KLHL13: variants seen among roughly 807,000 people sequenced by gnomAD.
The protein encoded by KLHL13 is kelch like family member 13.
Under a neutral mutation model 37.1 loss-of-function variants are expected in KLHL13, and 10 were observed. The ratio of observed to expected loss-of-function variants is 0.27; its 90% CI spans 0.17 to 0.46. KLHL13 has a LOEUF of 0.46. Among genes scored for constraint, KLHL13 ranks in the 20% least tolerant of loss-of-function variants. The probability of loss-of-function intolerance (pLI) is 1.00; values close to 1 mark genes in which losing one functional copy is unlikely to be tolerated. For synonymous variants in KLHL13, 163 were observed against 181.2 expected (o/e 0.90, Z 0.81); for missense variants, 360 against 509.3 (o/e 0.71, Z 2.82).
At chrX:117,959,416 C>A (rs1410381361) in intron 1 of KLHL13, among the ~76,000 whole-genome samples, 1 of 112,150 alleles carries the variant, frequency 8.9e-6, no homozygotes, top group Non-Finnish European at 1.9e-5. Context: ...CTAGATCAGA[C>A]TATTAATTAA....
At chrX:117,964,224 T>C (rs943990464) in intron 1 of KLHL13, among the ~76,000 whole-genome samples, 2 of 111,823 alleles carry the variant, frequency 1.8e-5, no homozygotes, top group Admixed American at 1.9e-4. Flanking sequence ...TTTTCCATCC[T>C]GTGCAATATG....
At chrX:117,923,158 G>A (rs1333481092) in intron 2 of KLHL13, among the ~76,000 whole-genome samples, 1 of 111,989 alleles carries the variant, frequency 8.9e-6, no homozygotes, top group Non-Finnish European at 1.9e-5. Flanking sequence ...TATAAGCAAT[G>A]CCGCAATTAA....
chrX:118,075,589 G>C (rs1317889414), intron 1 of KLHL13, among the ~76,000 whole-genome samples: 1 of 111,527 alleles, frequency 9.0e-6, no homozygotes, highest in Non-Finnish European at 1.9e-5. Flanking sequence ...CTAAAGCTCA[G>C]GTTTCTGGCT....
chrX:117,953,924 G>A (rs1446015450), intron 1 of KLHL13, among the ~76,000 whole-genome samples: 1 of 111,603 alleles, frequency 9.0e-6, no homozygotes, highest in Non-Finnish European at 1.9e-5. Context: ...AACACTTATG[G>A]GGTAGGGAGG....
chrX:117,958,413 A>T (rs2053238172), intron 1 of KLHL13, among the ~76,000 whole-genome samples: 1 of 110,318 alleles, frequency 9.1e-6, no homozygotes, highest in African/African-American at 3.3e-5. Flanking sequence ...TTTTCATGCC[A>T]TGGTTAACCA....
chrX:117,963,354 A>C (rs981155872), intron 1 of KLHL13, among the ~76,000 whole-genome samples: 7 of 112,111 alleles, frequency 6.2e-5, no homozygotes, highest in Admixed American at 4.7e-4. Context: ...TACTGCTTGG[A>C]AGGTAATATA....
In KLHL13 at chrX:118,068,170, T is replaced by C. The variant is rs936576218; in HGVS notation, c.-56+48338A>G. On this transcript the variant is annotated intron_variant, in intron 1 of 6. Coordinates refer to the KLHL13 transcript ENST00000371882. ...GCCGAAAGGTTATGTGACACATGAC[T>C]ATAATATCGCATTCTTATTTACACA... 3.6e-5 allele frequency among the ~76,000 whole-genome samples: 4 copies of C among 111,453 alleles called. No individual in the cohort carries two copies. The East Asian group carries it at 1.1e-3, about 32-fold the overall frequency.
intron 1 of KLHL13, among the ~76,000 whole-genome samples, chrX:118,103,715 G>C (rs184150042): frequency 8.1e-5 from 9 of 110,780 alleles, no homozygotes; most frequent in African/African-American, 2.9e-4. Flanking sequence ...CTTTAATGAA[G>C]ACCTGGGAAC....
At chrX:118,005,636 C>T (rs1602642402) in intron 1 of KLHL13, among the ~76,000 whole-genome samples, 1 of 111,514 alleles carries the variant, frequency 9.0e-6, no homozygotes, top group East Asian at 2.8e-4. Context: ...GCACTGCTGG[C>T]TTCGAAGATG....
At chrX:117,916,182 A>C (rs770369854) in intron 4 of KLHL13, among the ~76,000 whole-genome samples, 20 of 106,859 alleles carry the variant, frequency 1.9e-4, no homozygotes, top group African/African-American at 3.4e-4. Context: ...AACAAACAAA[A>C]AAAAAAACAC....
chrX:118,034,245 T>C (rs1211011073), intron 1 of KLHL13, among the ~76,000 whole-genome samples: 1 of 105,678 alleles, frequency 9.5e-6, no homozygotes, highest in Non-Finnish European at 1.9e-5. Context: ...GCAGACCTAA[T>C]AGACATCTAC....
At chrX:117,907,463 C>G (rs758162177) in intron 5 of KLHL13, among the ~76,000 whole-genome samples, 8 of 111,806 alleles carry the variant, frequency 7.2e-5, no homozygotes, top group African/African-American at 1.6e-4. Context: ...AGAAGACTGA[C>G]CAAGTTAATG....
intron 1 of KLHL13, among the ~76,000 whole-genome samples, chrX:118,104,048 TAAAAAA>T (rs60645250): frequency 9.4e-5 from 4 of 42,570 alleles, no homozygotes; most frequent in Admixed American, 7.1e-4. Flanking sequence ...TCATTTCCAC[TAAAAAA>T]AAAAAAAAAA....
intron 1 of KLHL13, among the ~76,000 whole-genome samples, chrX:118,078,637 C>T (rs912066234): frequency 1.8e-5 from 2 of 111,586 alleles, no homozygotes; most frequent in African/African-American, 6.5e-5. Flanking sequence ...GGTGTACATA[C>T]ACCACGTTTG....
intron 1 of KLHL13, among the ~76,000 whole-genome samples, chrX:118,108,246 A>T (rs758324045): frequency 8.9e-6 from 1 of 112,278 alleles, no homozygotes; most frequent in South Asian, 3.7e-4. Context: ...AAGACCATCC[A>T]CTAATCACAA....
intron 1 of KLHL13, among the ~76,000 whole-genome samples, chrX:118,071,089 T>A (rs2054858163): frequency 8.9e-6 from 1 of 111,928 alleles, no homozygotes; most frequent in Admixed American, 9.5e-5. Context: ...CATGAACTCA[T>A]CATTTTTTAT....
chrX:117,899,213 G>A (rs775325563), exon 7 of KLHL13: 186 of 1,209,563 alleles, frequency 1.5e-4, no homozygotes, highest in Non-Finnish European at 2.0e-4. Context: ...TCACAGCTTA[G>A]GACATCATCA....
intron 1 of KLHL13, among the ~76,000 whole-genome samples, chrX:118,010,632 C>G (rs1176796736): frequency 1.2e-5 from 1 of 85,264 alleles, no homozygotes; most frequent in African/African-American, 4.3e-5. Flanking sequence ...GGAGATATAC[C>G]TAATGCTAGA....
chrX:118,084,760 C>T (rs566588052), intron 1 of KLHL13, among the ~76,000 whole-genome samples: 4 of 111,614 alleles, frequency 3.6e-5, no homozygotes, highest in African/African-American at 1.3e-4. Context: ...GGCATGGTGG[C>T]TCACACCTGT....
Sources: allele counts gnomAD v4.1 joint callset (sites outside exome capture counted in the v4.1 genomes callset), GRCh38; gene constraint gnomAD v4.1.1; transcripts MANE v1.5; gene names NCBI Gene and HGNC (gene_info 2026-07-23, HGNC 2026-07-21).